GLRA2: variants seen among roughly 807,000 people sequenced by gnomAD.
GLRA2 encodes the protein glycine receptor alpha 2, also known as glycine receptor subunit alpha-2.
A neutral mutation model predicts 31.6 loss-of-function variants in GLRA2; 11 were observed. That is an observed-to-expected ratio of 0.35 (90% confidence interval 0.22 to 0.58). GLRA2 has a LOEUF of 0.58. Among genes scored for constraint, GLRA2 ranks in the 20% least tolerant of loss-of-function variants. The pLI is 0.84. For missense variants in GLRA2, 212 were observed against 351.8 expected (o/e 0.60, Z 3.18); for synonymous variants, 132 against 134.0 (o/e 0.99, Z 0.10).
chrX:14,559,795 G>A (rs757037776), intron 2 of GLRA2, among the ~76,000 whole-genome samples: 2 of 107,865 alleles, frequency 1.9e-5, no homozygotes, highest in Admixed American at 2.0e-4. Context: ...GCACGATCTC[G>A]ACTCACAGCA....
At chrX:14,727,082 G>A (rs1312581169) in intron 8 of GLRA2, among the ~76,000 whole-genome samples, 1 of 111,723 alleles carries the variant, frequency 9.0e-6, no homozygotes, top group Non-Finnish European at 1.9e-5. Context: ...ATATAGAATA[G>A]GTTGTACATT....
rs370632073 is a variant in GLRA2, at chrX:14,548,682, A to G, written c.202+16310A>G. ...ATGGATAGTGACATCTAACTTATCC[A>G]AATAGAATCCCTGGCCTAAGGCACT... is the stretch of plus-strand genomic sequence containing the variant. On this transcript the variant is annotated intron_variant, in intron 2 of 8. Coordinates refer to ENST00000218075, the MANE Select transcript of GLRA2 (RefSeq NM_002063.4). Among the ~76,000 whole-genome samples the G allele has an allele frequency of 1.2e-4, 13 of 111,970 alleles. No homozygotes were observed. In the East Asian group the frequency reaches 3.6e-3, roughly 31 times the overall value.
chrX:14,715,804 A>G (rs867240254), intron 8 of GLRA2, among the ~76,000 whole-genome samples: 7 of 111,538 alleles, frequency 6.3e-5, no homozygotes, highest in Non-Finnish European at 1.1e-4. Context: ...CACACAAAGG[A>G]GCTTGGGAGT....
Position 14,579,619 on chromosome X carries a change from A to G in GLRA2, c.271-1564A>G, listed in dbSNP as rs1467409064. Among the ~76,000 whole-genome samples the G allele has an allele frequency of 2.7e-5, 3 of 112,150 alleles. No homozygotes were observed. The Admixed American group carries it at 2.8e-4, about 11-fold the overall frequency. The stretch of plus-strand genomic sequence containing the variant: ...TGCTGGGATTACAGGCATGAGCCAC[A>G]GCACCTGGGCCAAGTCTGACATTTT... On this transcript the variant is annotated intron_variant, in intron 3 of 8. Transcript: ENST00000218075.
At chrX:14,670,429 AC>A (rs2091079587) in intron 7 of GLRA2, among the ~76,000 whole-genome samples, 1 of 111,816 alleles carries the variant, frequency 8.9e-6, no homozygotes, top group African/African-American at 3.3e-5. Flanking sequence ...TTGTTTTCAC[AC>A]TGCTGATAAA....
chrX:14,633,497 A>AAAC (rs374182136), intron 7 of GLRA2, among the ~76,000 whole-genome samples: 70 of 111,506 alleles, frequency 6.3e-4, no homozygotes, highest in East Asian at 1.4e-3. Context: ...TGTATCTCTA[A>AAAC]AACAACAACA....
At chrX:14,517,001 A>T in the GLRA2 span, among the ~76,000 whole-genome samples, 1 of 112,185 alleles carries the variant, frequency 8.9e-6, no homozygotes, top group Non-Finnish European at 1.9e-5. Flanking sequence ...ATCATGAAAG[A>T]TATTAACAAA....
At chrX:14,461,556 G>T in the GLRA2 span, among the ~76,000 whole-genome samples, 1 of 111,694 alleles carries the variant, frequency 9.0e-6, no homozygotes, top group Non-Finnish European at 1.9e-5. Context: ...TATATATTTA[G>T]GATAGTTAGC....
chrX:14,693,076 C>A (rs1362325197), intron 8 of GLRA2, among the ~76,000 whole-genome samples: 2 of 107,961 alleles, frequency 1.9e-5, no homozygotes, highest in African/African-American at 6.7e-5. Flanking sequence ...GAATGCAGAA[C>A]CAGACAGACA....
chrX:14,681,927 ATATG>A (rs1433459427), intron 7 of GLRA2, among the ~76,000 whole-genome samples: 2 of 84,695 alleles, frequency 2.4e-5, no homozygotes, highest in Non-Finnish European at 4.7e-5. Context: ...ATATATATAT[ATATG>A]TATATATATG....
intron 7 of GLRA2, among the ~76,000 whole-genome samples, chrX:14,638,644 A>G (rs1022702320): frequency 1.8e-5 from 2 of 111,171 alleles, no homozygotes; most frequent in Non-Finnish European, 3.8e-5. Context: ...TGCAAACACA[A>G]AAAGCTACTA....
intron 5 of GLRA2, among the ~76,000 whole-genome samples, chrX:14,606,394 T>A (rs896113855): frequency 8.1e-5 from 9 of 111,643 alleles, no homozygotes; most frequent in African/African-American, 1.3e-4. Flanking sequence ...ACCAAACTGA[T>A]AACAATTTTA....
At chrX:14,663,354 T>C (rs1299773662) in intron 7 of GLRA2, among the ~76,000 whole-genome samples, 1 of 111,649 alleles carries the variant, frequency 9.0e-6, no homozygotes, top group African/African-American at 3.2e-5. Flanking sequence ...AATTTTTGCA[T>C]TAGATTCCAG....
At chrX:14,490,109 G>A in the GLRA2 span, among the ~76,000 whole-genome samples, 248 of 111,288 alleles carry the variant, frequency 2.2e-3, 1 homozygote, top group African/African-American at 7.7e-3. Flanking sequence ...TAACCCATCA[G>A]TCAGTATCCT....
the GLRA2 span, among the ~76,000 whole-genome samples, chrX:14,521,045 G>A: frequency 8.9e-6 from 1 of 112,612 alleles, no homozygotes; most frequent in Non-Finnish European, 1.9e-5. Flanking sequence ...CCAATCACTG[G>A]CCATGAAAGT....
chrX:14,605,093 C>A (rs985499853), intron 5 of GLRA2, among the ~76,000 whole-genome samples: 3 of 111,431 alleles, frequency 2.7e-5, no homozygotes, highest in African/African-American at 9.8e-5. Flanking sequence ...TCCAAAGTAA[C>A]AGGATTTTCA....
At chrX:14,473,004 C>T in the GLRA2 span, among the ~76,000 whole-genome samples, 4 of 110,638 alleles carry the variant, frequency 3.6e-5, no homozygotes, top group South Asian at 3.8e-4. Flanking sequence ...GACAGTGGAG[C>T]GAGGTAAGGA....
chrX:14,493,730 T>TACAC, the GLRA2 span, among the ~76,000 whole-genome samples: 1 of 98,720 alleles, frequency 1.0e-5, no homozygotes, highest in African/African-American at 4.0e-5. Flanking sequence ...TATACGTGTA[T>TACAC]ATGTATACAT....
chrX:14,451,746 C>T, the GLRA2 span, among the ~76,000 whole-genome samples: 1 of 103,908 alleles, frequency 9.6e-6, no homozygotes, highest in East Asian at 3.0e-4. Flanking sequence ...CAGGTAAGGA[C>T]ACCCACAGGC....
Sources: allele counts gnomAD v4.1 joint callset (sites outside exome capture counted in the v4.1 genomes callset), GRCh38; gene constraint gnomAD v4.1.1; transcripts MANE v1.5; gene names NCBI Gene and HGNC (gene_info 2026-07-23, HGNC 2026-07-21).